The following FAR2 variants were observed in gnomAD, a reference collection of about 807,000 sequenced individuals.
FAR2 encodes the protein fatty acyl-CoA reductase 2.
A neutral mutation model predicts 56.0 loss-of-function variants in FAR2; 19 were observed. That is an observed-to-expected ratio of 0.34 (90% CI 0.24 to 0.50). The LOEUF (loss-of-function observed/expected upper bound fraction) is 0.50. Among genes scored for constraint, FAR2 ranks in the 20% least tolerant of loss-of-function variants. The pLI is 0.98. For missense variants in FAR2, 508 were observed against 642.2 expected (o/e 0.79, Z 2.26); for synonymous variants, 219 against 218.8 (o/e 1.00, Z -0.01).
intron 1 of FAR2, among the ~76,000 whole-genome samples, chr12:29,159,521 G>GGA (rs1555177013): frequency 2.1e-5 from 3 of 139,864 alleles, no homozygotes; most frequent in South Asian, 2.3e-4. Flanking sequence ...CTCTGTCTCG[G>GGA]AAAAAAAAAA....
At chr12:29,253,191 C>CTATCTAGATAGATATCTATATATCAA (rs1948242203) in intron 1 of FAR2, among the ~76,000 whole-genome samples, 1 of 91,122 alleles carries the variant, frequency 1.1e-5, no homozygotes, top group African/African-American at 5.2e-5. Context: ...CTCTCTCTAT[C>CTATCTAGATAGATATCTATATATCAA]TATCTATCTA....
At chr12:29,329,885 C>T (rs1288386971) in intron 10 of FAR2, among the ~76,000 whole-genome samples, 3 of 151,882 alleles carry the variant, frequency 2.0e-5, no homozygotes, top group Admixed American at 1.3e-4. Context: ...AAAGAGAATG[C>T]CCATACATAA....
intron 1 of FAR2, among the ~76,000 whole-genome samples, chr12:29,248,172 T>G (rs1406982738): frequency 6.6e-6 from 1 of 152,246 alleles, no homozygotes; most frequent in African/African-American, 2.4e-5. Context: ...CTTCTGATAT[T>G]ATCCATTTGC....
In FAR2 at chr12:29,332,586, C is replaced by T. The variant is rs747733686; in HGVS notation, c.1258-14C>T. On this transcript the variant is annotated splice_polypyrimidine_tract_variant and intron_variant, in intron 10 of 11. Transcript: ENST00000536681. ...CTGCAATTCTGGCAATCTATAATCT[C>T]TCTTGCCTCTCAGGTATTCAACTTT... 1.9e-6 allele frequency: 3 copies of T among 1,613,400 alleles called. No homozygotes were observed. In the South Asian group the frequency reaches 3.3e-5, roughly 18 times the overall value.
At chr12:29,177,811 A>C (rs1053649635) in intron 1 of FAR2, among the ~76,000 whole-genome samples, 1 of 147,036 alleles carries the variant, frequency 6.8e-6, no homozygotes, top group Non-Finnish European at 1.5e-5. Context: ...CTTTATAATT[A>C]AATAGCTATT....
At chr12:29,222,006 C>T (rs1233435692) in intron 1 of FAR2, among the ~76,000 whole-genome samples, 1 of 152,240 alleles carries the variant, frequency 6.6e-6, no homozygotes, top group East Asian at 1.9e-4. Flanking sequence ...CACTACCACA[C>T]CCAGCTAATT....
intron 1 of FAR2, among the ~76,000 whole-genome samples, chr12:29,221,091 T>C (rs1947684041): frequency 6.6e-6 from 1 of 152,004 alleles, no homozygotes; most frequent in Non-Finnish European, 1.5e-5. Flanking sequence ...CTCCAATAAC[T>C]GGTAACAACA....
chr12:29,317,399 T>A (rs151167053), intron 9 of FAR2, among the ~76,000 whole-genome samples: 6 of 152,196 alleles, frequency 3.9e-5, no homozygotes, highest in African/African-American at 1.4e-4. Flanking sequence ...ATCCCCAAGA[T>A]AGCTCATTAC....
intron 1 of FAR2, among the ~76,000 whole-genome samples, chr12:29,175,616 C>T (rs1949930604): frequency 6.6e-6 from 1 of 152,180 alleles, no homozygotes; most frequent in Non-Finnish European, 1.5e-5. Flanking sequence ...TTTTACAGAG[C>T]GTTGATTGGT....
In FAR2 at chr12:29,335,045, A is replaced by C. The variant is rs1214671125; in HGVS notation, c.*1251A>C. 6.6e-6 allele frequency: 1 copy of C among 152,208 alleles called. No homozygotes were observed. The highest frequency in any genetic ancestry group is 1.5e-5 in the Non-Finnish European group (1 of 68,012). 9.4% of individuals were successfully genotyped at this position (152,208 alleles called of 1,614,324 possible). Reference sequence around the variant, plus strand: ...CATTTCTTCATGTTAAAAACATGGAATATTATTCAAATATAGTACTTGGGG... The same window carrying C: ...CATTTCTTCATGTTAAAAACATGGACTATTATTCAAATATAGTACTTGGGG... On this transcript the variant is annotated 3_prime_UTR_variant, in exon 12 of 12. Transcript: ENST00000536681.
At chr12:29,223,402 T>C (rs1947721933) in intron 1 of FAR2, among the ~76,000 whole-genome samples, 1 of 152,224 alleles carries the variant, frequency 6.6e-6, no homozygotes, top group South Asian at 2.1e-4. Context: ...TGTCATATTC[T>C]TCATCTTCAG....
intron 1 of FAR2, among the ~76,000 whole-genome samples, chr12:29,241,912 C>T (rs1470562497): frequency 1.3e-5 from 2 of 152,194 alleles, no homozygotes; most frequent in Non-Finnish European, 2.9e-5. Flanking sequence ...GTGAACAAAT[C>T]CCCCCTTTCC....
chr12:29,323,008 A>G (rs2136815268), intron 10 of FAR2, among the ~76,000 whole-genome samples: 1 of 152,266 alleles, frequency 6.6e-6, no homozygotes, highest in South Asian at 2.1e-4. Flanking sequence ...TGCAGAAATC[A>G]CCCGTCTTCT....
intron 1 of FAR2, among the ~76,000 whole-genome samples, chr12:29,172,208 C>T (rs185652543): frequency 2.7e-5 from 4 of 148,520 alleles, no homozygotes; most frequent in East Asian, 2.0e-4. Flanking sequence ...GCCGCCCCAC[C>T]GTCTGGGAAG....
At chr12:29,330,523 G>A (rs577517398) in intron 10 of FAR2, among the ~76,000 whole-genome samples, 5 of 152,230 alleles carry the variant, frequency 3.3e-5, no homozygotes, top group African/African-American at 7.2e-5. Flanking sequence ...ACTTTCCTCC[G>A]AGTTCTAAGA....
rs373551097 is a variant in FAR2 at position 29,186,948 on chromosome 12, C to T, written c.-39+37541C>T. Among the ~76,000 whole-genome samples the T allele has an allele frequency of 2.0e-5, 3 of 152,074 alleles. No individual in the cohort carries two copies. In the East Asian group the frequency reaches 5.8e-4, roughly 29 times the overall value. ...GGACTACAGGCGCCCGCCACCACAACCGGCTAATTTTTTGTATTTTTAGTA... is the reference window on the plus strand; with the variant it reads ...GGACTACAGGCGCCCGCCACCACAATCGGCTAATTTTTTGTATTTTTAGTA... On this transcript the variant is annotated intron_variant, in intron 1 of 11. Transcript: ENST00000536681.
intron 1 of FAR2, among the ~76,000 whole-genome samples, chr12:29,232,565 A>G (rs1262847947): frequency 6.6e-6 from 1 of 152,022 alleles, no homozygotes; most frequent in Non-Finnish European, 1.5e-5. Context: ...GAGGTTGTTC[A>G]TTGTTTTTCA....
intron 1 of FAR2, among the ~76,000 whole-genome samples, chr12:29,160,573 G>A (rs1949773610): frequency 6.6e-6 from 1 of 152,188 alleles, no homozygotes; most frequent in African/African-American, 2.4e-5. Flanking sequence ...TCATTTGCTA[G>A]GGCTGCTGTA....
intron 6 of FAR2, among the ~76,000 whole-genome samples, chr12:29,310,721 T>A (rs1214653080): frequency 1.3e-5 from 2 of 152,170 alleles, no homozygotes; most frequent in African/African-American, 2.4e-5. Flanking sequence ...ATTTTTAAGA[T>A]GTAAAAGTTT....
Sources: allele counts gnomAD v4.1 joint callset (sites outside exome capture counted in the v4.1 genomes callset), GRCh38; gene constraint gnomAD v4.1.1; transcripts MANE v1.5; gene names NCBI Gene and HGNC (gene_info 2026-07-23, HGNC 2026-07-21).